HVCN1: variants seen among roughly 807,000 people sequenced by gnomAD.
HVCN1 encodes hydrogen voltage gated channel 1.
HVCN1 carries 14 observed loss-of-function variants against 29.2 expected under a neutral mutation model. The ratio of observed to expected loss-of-function variants is 0.48; its 90% CI spans 0.32 to 0.75. HVCN1 has a LOEUF of 0.75. Among genes scored for constraint, HVCN1 ranks in the 30% least tolerant of loss-of-function variants. The pLI is 0.04. For missense variants in HVCN1, 263 were observed against 341.8 expected (o/e 0.77, Z 1.82); for synonymous variants, 131 against 133.2 (o/e 0.98, Z 0.11).
Position 110,651,210 on chromosome 12 carries a change from G to A in HVCN1, c.643+7C>T, listed in dbSNP as rs781764314. ...CCATCCACAGCCTGGGAGTGCAGGA[G>A]ACGTACCATTGATGATCCGGGCCAC... is the stretch of plus-strand genomic sequence containing the variant. On this transcript the variant is annotated splice_region_variant and intron_variant, in intron 6 of 7. Coordinates refer to ENST00000242607, the MANE Select transcript of HVCN1 (RefSeq NM_032369.4). 4 of 1,601,146 alleles carry A rather than the reference G, an allele frequency of 2.5e-6. No individual in the cohort carries two copies. Among genetic ancestry groups the A allele is most frequent in the Non-Finnish European group, 3.4e-6 (4 of 1,168,404 alleles).
chr12:110,698,398 C>T (rs2069525257), intron 2 of HVCN1, among the ~76,000 whole-genome samples: 2 of 152,190 alleles, frequency 1.3e-5, no homozygotes, highest in African/African-American at 4.8e-5. Flanking sequence ...CAGAGCCTTA[C>T]ACTCAAGGGT....
In HVCN1 at chr12:110,675,036, A is replaced by T. The variant is rs530556210; in HGVS notation, c.21+8189T>A. 4.5e-4 allele frequency among the ~76,000 whole-genome samples: 68 copies of T among 152,274 alleles called. 1 individual carries two copies. Among genetic ancestry groups the T allele is most frequent in the Middle Eastern group, 6.3e-3 (2 of 316 alleles). On this transcript the variant is annotated intron_variant, in intron 3 of 7. Coordinates refer to ENST00000242607, the MANE Select transcript of HVCN1 (RefSeq NM_032369.4). ...GAAAACTTTTCTGATATAAAAGAGG[A>T]CTTAAAAGTGCCATCTTTGTAGATA...
In HVCN1 at chr12:110,661,017, A is replaced by G. The variant is rs962990624; in HGVS notation, c.306+147T>C. ...GCCTACCGCATTCCCAGCACGGTAC[A>G]GGGTCCCCGGCACGTGGTAGGTGCT... On this transcript the variant is annotated intron_variant, in intron 4 of 7. Transcript: ENST00000242607. The surrounding 1 kb of genome is among the most constrained non-coding windows in gnomAD (Gnocchi z 6.2). The G allele has an allele frequency of 1.3e-6, 1 of 766,234 alleles. No homozygotes were observed. Among genetic ancestry groups the G allele is most frequent in the African/African-American group, 1.7e-5 (1 of 57,396 alleles). 47.5% of individuals were successfully genotyped at this position (766,234 alleles called of 1,614,324 possible). A position where few individuals can be genotyped will look rare whatever the true frequency, so the allele number is the denominator to read the frequency against.
At chr12:110,659,099 T>C (rs888906896) in intron 4 of HVCN1, among the ~76,000 whole-genome samples, 2 of 152,190 alleles carry the variant, frequency 1.3e-5, no homozygotes, top group African/African-American at 4.8e-5. Flanking sequence ...ACAGAGAAGC[T>C]GGGTCGCCAG....
At chr12:110,649,613 A>C (rs1051976533) in intron 7 of HVCN1, 138 bp from the exon 8 acceptor site, 6 of 688,044 alleles carry the variant, frequency 8.7e-6, no homozygotes, top group African/African-American at 1.8e-5. Flanking sequence ...CAGTCTGCTG[A>C]GGAGACTGCT....
intron 3 of HVCN1, among the ~76,000 whole-genome samples, chr12:110,666,537 G>GC (rs2068367090): frequency 6.6e-6 from 1 of 152,144 alleles, no homozygotes; most frequent in African/African-American, 2.4e-5. Flanking sequence ...AATAAACAGA[G>GC]CCCCAGGGAC....
intron 4 of HVCN1, among the ~76,000 whole-genome samples, chr12:110,656,396 G>A (rs2067991399): frequency 6.6e-6 from 1 of 152,194 alleles, no homozygotes; most frequent in African/African-American, 2.4e-5. Flanking sequence ...GTGGGAAGCA[G>A]CTGGTGGTGA....
At chr12:110,660,062 C>CCAAT (rs1019950211) in intron 4 of HVCN1, among the ~76,000 whole-genome samples, 23 of 150,736 alleles carry the variant, frequency 1.5e-4, no homozygotes, top group African/African-American at 3.7e-4. Context: ...GACTCTGTCT[C>CCAAT]CAATCAATCA....
At chr12:110,650,136 C>G (rs772495124) in intron 7 of HVCN1, 32 bp downstream of exon 7, 2 of 1,443,124 alleles carry the variant, frequency 1.4e-6, no homozygotes, top group African/African-American at 2.8e-5. Flanking sequence ...TGAGCCACCA[C>G]GCCTGGTCCC....
At chr12:110,699,053 G>T (rs113461782) in intron 2 of HVCN1, among the ~76,000 whole-genome samples, 2 of 152,196 alleles carry the variant, frequency 1.3e-5, no homozygotes, top group African/African-American at 4.8e-5. Flanking sequence ...ACGTGAACCC[G>T]GGAGGTGGAG....
At chr12:110,674,289 T>C (rs1276136955) in intron 3 of HVCN1, among the ~76,000 whole-genome samples, 1 of 151,966 alleles carries the variant, frequency 6.6e-6, no homozygotes, top group Non-Finnish European at 1.5e-5. Flanking sequence ...ACCCAATACC[T>C]GTAACCCCCC....
At chr12:110,693,746 A>G (rs2069448534), upstream of HVCN1, among the ~76,000 whole-genome samples, 1 of 152,224 alleles carries the variant, frequency 6.6e-6, no homozygotes, top group East Asian at 1.9e-4. Flanking sequence ...ATTTATTACA[A>G]GTAAAAAAAA....
rs1209257931 is a variant in HVCN1, at chr12:110,658,223, TA to T, written c.307-2886del. On this transcript the variant is annotated intron_variant, in intron 4 of 7. Transcript: ENST00000242607. This position sits in a 1 kb window ranked among gnomAD's most constrained non-coding sequence, Gnocchi z 5.0. Reference sequence around the variant, plus strand: ...GTAAGAAGGGACCTCAATTAACTATTAATATATCAAGCACCTTGGCCATCTC... The same window carrying T: ...GTAAGAAGGGACCTCAATTAACTATTATATATCAAGCACCTTGGCCATCTC... Among the ~76,000 whole-genome samples the T allele has an allele frequency of 1.3e-5, 2 of 152,054 alleles. No individual in the cohort carries two copies. The highest frequency in any genetic ancestry group is 6.5e-5 in the Admixed American group (1 of 15,274).
chr12:110,649,852 C>CT (rs1183009961), intron 7 of HVCN1, among the ~76,000 whole-genome samples: 63 of 149,924 alleles, frequency 4.2e-4, no homozygotes, highest in South Asian at 1.5e-3. Flanking sequence ...TCCCAGATAT[C>CT]TTTTTTTTTT....
At position 110,650,223 on chromosome 12, in the gene HVCN1, A is replaced by G. The variant is rs576433568; in HGVS notation, c.701T>C (p.Met234Thr). The change falls in exon 7 of 8, where the codon ATG becomes ACG. Residue 234 changes from methionine to threonine, a missense_variant. Physicochemically the swap from Met to Thr is moderately conservative, Grantham distance 81. Coordinates refer to ENST00000242607, the MANE Select transcript of HVCN1 (RefSeq NM_032369.4). ...AATCTTGGCGGCCAATTGTACATTC[A>G]TCTGTTTTAACCTTAAGAGTTGCCG... is the stretch of plus-strand genomic sequence containing the variant. ...SERQLLRLKQMNVQLAAKIQH... is the reference protein window; with the variant it reads ...SERQLLRLKQTNVQLAAKIQH... 6.2e-7 allele frequency: 1 copy of G among 1,613,762 alleles called. No individual in the cohort carries two copies. The highest frequency in any genetic ancestry group is 1.1e-5 in the South Asian group (1 of 91,076).
chr12:110,681,249 C>T (rs1016701632), intron 3 of HVCN1, among the ~76,000 whole-genome samples: 1 of 152,100 alleles, frequency 6.6e-6, no homozygotes, highest in Non-Finnish European at 1.5e-5. Flanking sequence ...ATAAGGTGCA[C>T]GCATAGTGTT....
chr12:110,682,214 C>T (rs2069005476), intron 3 of HVCN1, among the ~76,000 whole-genome samples: 1 of 152,140 alleles, frequency 6.6e-6, no homozygotes, highest in South Asian at 2.1e-4. Flanking sequence ...TCTCAAACTC[C>T]TGACTTCAGG....
chr12:110,689,381 C>T (rs901016911), upstream of HVCN1: 2 of 152,200 alleles, frequency 1.3e-5, no homozygotes, highest in African/African-American at 4.8e-5. This position sits in a 1 kb window ranked among gnomAD's most constrained non-coding sequence, Gnocchi z 5.7. Flanking sequence ...TTACAAAGGT[C>T]CCGCCCGTGG....
At chr12:110,691,694 G>A (rs574821556), upstream of HVCN1, among the ~76,000 whole-genome samples, 10 of 152,330 alleles carry the variant, frequency 6.6e-5, no homozygotes, top group South Asian at 1.9e-3. Flanking sequence ...GACCCTTAGT[G>A]CAGACAGGTG....
Sources: gnomAD v4.1 joint callset for allele counts (sites outside exome capture counted in the v4.1 genomes callset) on GRCh38, gnomAD v4.1.1 for gene constraint, Gnocchi (gnomAD v3.1) non-coding constraint, MANE v1.5 for transcripts, NCBI Gene and HGNC (gene_info 2026-07-23, HGNC 2026-07-21) for gene names.